CCDC3: variants seen among roughly 807,000 people sequenced by gnomAD.
CCDC3 encodes the protein coiled-coil domain containing 3, also known as coiled-coil domain-containing protein 3.
A neutral mutation model predicts 21.4 loss-of-function variants in CCDC3; 24 were observed. That is an observed-to-expected ratio of 1.12 (90% CI 0.81 to 1.58). The LOEUF (loss-of-function observed/expected upper bound fraction) is 1.58, where lower values mean the gene tolerates loss of function less well. Ranked by LOEUF, CCDC3 falls within the 40% of genes most tolerant of loss-of-function variation. CCDC3 has a pLI of 0.00. For missense variants in CCDC3, 425 were observed against 360.9 expected, an observed-to-expected ratio of 1.18 and a Z score of -1.44; for synonymous variants, 186 against 166.0, an observed-to-expected ratio of 1.12 and a Z score of -0.93.
chr10:13,027,723 AAAAAAAAAAC>A (rs1331671357), intron 5 of CCDC3, among the ~76,000 whole-genome samples: 1 of 150,494 alleles, frequency 6.6e-6, no homozygotes, highest in Non-Finnish European at 1.5e-5. Context: ...AAAAAATTAA[AAAAAAAAAAC>A]AAAAAAAAAC....
Position 12,898,544 on chromosome 10 carries a change from G to C in CCDC3, c.685C>G (p.Arg229Gly). 3 of 1,614,192 alleles carry C rather than the reference G, an allele frequency of 1.9e-6. No homozygotes were observed. The highest frequency in any genetic ancestry group is 2.5e-6 in the Non-Finnish European group (3 of 1,180,042). Residue 229 changes from arginine (R) to glycine (G), a missense_variant, in exon 3 of 3, where the codon CGG becomes GGG. By Grantham distance (125) the Arg-to-Gly change is moderately radical. Coordinates refer to ENST00000378825, the MANE Select transcript of CCDC3 (RefSeq NM_031455.4). ...TGGCGGCCCTTCTTACGCGCCTGCCGCAAGGACCTCTTGACCTTCTTCACT... is the reference window on the plus strand; with the variant it reads ...TGGCGGCCCTTCTTACGCGCCTGCCCCAAGGACCTCTTGACCTTCTTCACT... ...ERVKKVKRSL[R>G]QARKKGRHLE...
chr10:12,950,957 G>A (rs1270213432), intron 2 of CCDC3, among the ~76,000 whole-genome samples: 2 of 152,180 alleles, frequency 1.3e-5, no homozygotes, highest in Non-Finnish European at 2.9e-5. Flanking sequence ...AGTAGGGTGC[G>A]TCTGTCTGGC....
At chr10:13,016,124 A>G (rs1836055619) in intron 5 of CCDC3, among the ~76,000 whole-genome samples, 1 of 152,000 alleles carries the variant, frequency 6.6e-6, no homozygotes, top group African/African-American at 2.4e-5. Flanking sequence ...TAATAAAACA[A>G]TAGTAGAGCT....
At chr10:13,012,950 T>C (rs1564319839) in intron 5 of CCDC3, among the ~76,000 whole-genome samples, 1 of 152,180 alleles carries the variant, frequency 6.6e-6, no homozygotes, top group African/African-American at 2.4e-5. Flanking sequence ...TATTTTTCTA[T>C]TGCTGCCGAA....
chr10:12,923,287 G>A (rs1414934632), intron 2 of CCDC3, among the ~76,000 whole-genome samples: 4 of 152,160 alleles, frequency 2.6e-5, no homozygotes, highest in South Asian at 2.1e-4. Context: ...ACCAGAGGTC[G>A]CCATGAGATA....
chr10:12,938,829 C>T (rs547493564), intron 2 of CCDC3, among the ~76,000 whole-genome samples: 11 of 152,302 alleles, frequency 7.2e-5, no homozygotes, highest in South Asian at 2.1e-4. Flanking sequence ...GCCACACTGT[C>T]TCCTATATAA....
chr10:12,990,871 C>T (rs1249898572), intron 2 of CCDC3, among the ~76,000 whole-genome samples: 4 of 152,126 alleles, frequency 2.6e-5, no homozygotes, highest in African/African-American at 9.7e-5. Context: ...TGTAGGAATA[C>T]AGAAAGTTCA....
chr10:13,005,462 G>T (rs1461915247), upstream of CCDC3, among the ~76,000 whole-genome samples: 1 of 152,052 alleles, frequency 6.6e-6, no homozygotes, highest in Admixed American at 6.6e-5. Flanking sequence ...TGTCTAGGAG[G>T]GTCATACAAC....
intron 2 of CCDC3, among the ~76,000 whole-genome samples, chr10:12,957,406 G>C (rs369382177): frequency 1.3e-5 from 2 of 152,318 alleles, no homozygotes; most frequent in African/African-American, 4.8e-5. Flanking sequence ...TTCTGTCACA[G>C]AAACATAAAA....
intron 2 of CCDC3, among the ~76,000 whole-genome samples, chr10:12,988,510 AT>A (rs1835632719): frequency 6.6e-6 from 1 of 151,978 alleles, no homozygotes; most frequent in Non-Finnish European, 1.5e-5. Flanking sequence ...TGCCTGGCTA[AT>A]TTTTGTATTT....
intron 4 of CCDC3, among the ~76,000 whole-genome samples, chr10:13,062,017 A>G (rs1041731161): frequency 3.4e-5 from 5 of 148,108 alleles, no homozygotes; most frequent in African/African-American, 1.0e-4. Flanking sequence ...CAAAATACGC[A>G]AAGAACCATG....
chr10:13,007,244 A>C (rs1222228589), intron 5 of CCDC3, among the ~76,000 whole-genome samples: 2 of 152,158 alleles, frequency 1.3e-5, no homozygotes, highest in African/African-American at 2.4e-5. Flanking sequence ...CAGGTCACAC[A>C]TCGAGTATTC....
chr10:12,937,894 G>A (rs1393414901), intron 2 of CCDC3, among the ~76,000 whole-genome samples: 1 of 152,136 alleles, frequency 6.6e-6, no homozygotes. Context: ...CAGTCTCCCT[G>A]TGTCTCAGTC....
At chr10:12,993,721 T>A (rs558150683) in intron 2 of CCDC3, among the ~76,000 whole-genome samples, 1 of 152,154 alleles carries the variant, frequency 6.6e-6, no homozygotes, top group Non-Finnish European at 1.5e-5. Flanking sequence ...ATTAACACCA[T>A]GACACCGAAC....
chr10:13,049,130 A>T (rs1264495498), intron 5 of CCDC3, among the ~76,000 whole-genome samples: 2 of 152,178 alleles, frequency 1.3e-5, no homozygotes, highest in African/African-American at 4.8e-5. Flanking sequence ...AACGAGCCCC[A>T]GCTATCCCTT....
At chr10:13,090,476 T>G (rs888695707) in intron 3 of CCDC3, among the ~76,000 whole-genome samples, 2 of 152,212 alleles carry the variant, frequency 1.3e-5, no homozygotes, top group Non-Finnish European at 2.9e-5. Context: ...AATTCAGCCC[T>G]TTTAGAGGAG....
chr10:13,089,487 C>T (rs938596964), intron 3 of CCDC3, among the ~76,000 whole-genome samples: 11 of 152,020 alleles, frequency 7.2e-5, no homozygotes, highest in Non-Finnish European at 5.9e-5. Context: ...ACTCTGGCCC[C>T]GGACACCTTC....
At chr10:13,032,757 TA>T (rs1266862018) in intron 5 of CCDC3, among the ~76,000 whole-genome samples, 1 of 152,028 alleles carries the variant, frequency 6.6e-6, no homozygotes, top group Non-Finnish European at 1.5e-5. Context: ...TCAAACAGAA[TA>T]AAATACCTAG....
At chr10:13,035,198 C>T (rs897082902) in intron 5 of CCDC3, among the ~76,000 whole-genome samples, 1 of 152,048 alleles carries the variant, frequency 6.6e-6, no homozygotes, top group South Asian at 2.1e-4. Flanking sequence ...TAGGTGGAAG[C>T]TGCCTCTTCT....
Sources: allele counts gnomAD v4.1 joint callset (sites outside exome capture counted in the v4.1 genomes callset), GRCh38; gene constraint gnomAD v4.1.1; transcripts MANE v1.5; gene names NCBI Gene and HGNC (gene_info 2026-07-23, HGNC 2026-07-21).